Variants in NCOA1 observed in about 807,000 individuals in gnomAD.
The protein encoded by NCOA1 is Hin-2 protein.
Under a neutral mutation model 150.9 loss-of-function variants are expected in NCOA1, and 35 were observed. That is an observed-to-expected ratio of 0.23 (90% CI 0.18 to 0.31). NCOA1 has a LOEUF of 0.31. Ranked by LOEUF, NCOA1 falls within the 10% of genes least tolerant of loss-of-function variation. NCOA1 has a pLI of 1.00. For missense variants in NCOA1, 1,491 were observed against 1,749.3 expected, an observed-to-expected ratio of 0.85 and a Z score of 2.63; for synonymous variants, 590 against 630.0, an observed-to-expected ratio of 0.94 and a Z score of 0.95.
At chr2:24,554,452 G>A (rs1665988720) in intron 1 of NCOA1, 1 of 152,134 alleles carries the variant, frequency 6.6e-6, no homozygotes, top group African/African-American at 2.4e-5. Flanking sequence ...ATGAGAGAGA[G>A]GGGACTTCGG....
chr2:24,665,023 A>G (rs1671352798), intron 5 of NCOA1, among the ~76,000 whole-genome samples: 1 of 152,234 alleles, frequency 6.6e-6, no homozygotes, highest in Admixed American at 6.5e-5. Flanking sequence ...ATAGTCATTC[A>G]GTACATTTGG....
chr2:24,520,340 A>G (rs1173640439), intron 1 of NCOA1, among the ~76,000 whole-genome samples: 1 of 152,258 alleles, frequency 6.6e-6, no homozygotes, highest in African/African-American at 2.4e-5. Flanking sequence ...CTCCCAAATT[A>G]GAAACAATCC....
chr2:24,735,251 A>AC (rs1180214832), intron 17 of NCOA1, among the ~76,000 whole-genome samples: 1 of 152,200 alleles, frequency 6.6e-6, no homozygotes, highest in African/African-American at 2.4e-5. Flanking sequence ...ACCCCATATG[A>AC]CTGGCAAAGG....
At chr2:24,734,348 T>C (rs1663180032) in intron 17 of NCOA1, among the ~76,000 whole-genome samples, 1 of 152,158 alleles carries the variant, frequency 6.6e-6, no homozygotes, top group South Asian at 2.1e-4. Context: ...CCAAATTCAA[T>C]CAGTAAATTC....
intron 1 of NCOA1, among the ~76,000 whole-genome samples, chr2:24,520,123 G>A (rs1404836399): frequency 1.3e-5 from 2 of 152,134 alleles, no homozygotes; most frequent in African/African-American, 2.4e-5. Context: ...CTAAGTGTTG[G>A]CAACTGGAAC....
chr2:24,719,658 C>G (rs1446477005), intron 14 of NCOA1, among the ~76,000 whole-genome samples: 1 of 151,954 alleles, frequency 6.6e-6, no homozygotes, highest in Non-Finnish European at 1.5e-5. Flanking sequence ...GAGACAAAAC[C>G]AAAAGAGACG....
intron 3 of NCOA1, among the ~76,000 whole-genome samples, chr2:24,638,530 G>T (rs1670043920): frequency 1.3e-5 from 2 of 152,060 alleles, no homozygotes; most frequent in African/African-American, 4.8e-5. Flanking sequence ...TATGGTAGTT[G>T]TATTTGTAGT....
chr2:24,665,571 A>C (rs538444655), intron 5 of NCOA1, among the ~76,000 whole-genome samples, 178 bp from the exon 6 acceptor site: 5 of 152,248 alleles, frequency 3.3e-5, no homozygotes, highest in South Asian at 4.1e-4. Context: ...TTGTTTTCTA[A>C]ATTTTGGTAT....
chr2:24,589,856 C>G (rs1005038925), intron 3 of NCOA1, among the ~76,000 whole-genome samples: 4 of 152,148 alleles, frequency 2.6e-5, no homozygotes, highest in African/African-American at 9.7e-5. Context: ...TGGTCACTTG[C>G]ATCTTCTGTC....
chr2:24,599,099 G>C lies in NCOA1; in HGVS notation c.-175+14539G>C, dbSNP rs1668000304. Among the ~76,000 whole-genome samples, 3 of 151,778 alleles carry C rather than the reference G, an allele frequency of 2.0e-5. No individual in the cohort carries two copies. The East Asian group carries it at 5.8e-4, about 29-fold the overall frequency. ...TTAATGTTGGAGACAACACAAGAGA[G>C]GATATACTGATTTTGCCTAAATTGT... On this transcript the variant is annotated intron_variant, in intron 3 of 22. Transcript: ENST00000348332.
intron 2 of NCOA1, among the ~76,000 whole-genome samples, chr2:24,580,985 G>A (rs954699210): frequency 6.6e-6 from 1 of 152,188 alleles, no homozygotes; most frequent in Non-Finnish European, 1.5e-5. Flanking sequence ...TTCCTGTGGG[G>A]ATACAAGTCC....
chr2:24,726,588 G>T lies in NCOA1; in HGVS notation c.2600-1G>T. 6.3e-7 allele frequency: 1 copy of T among 1,595,032 alleles called. No homozygotes were observed. Among genetic ancestry groups the T allele is most frequent in the Non-Finnish European group, 8.6e-7 (1 of 1,167,618 alleles). On this transcript the variant is annotated splice_acceptor_variant, in intron 14 of 22. Coordinates refer to ENST00000348332, the MANE Select transcript of NCOA1 (RefSeq NM_003743.5). LOFTEE classifies it high-confidence loss of function. The stretch of plus-strand genomic sequence containing the variant: ...CTTCTTACCTTTTCTTCTTAAATCA[G>T]GATTACCTGAGCTGGAATTGGAAGC...
chr2:24,605,251 A>G (rs1668313139), intron 3 of NCOA1, among the ~76,000 whole-genome samples: 1 of 152,332 alleles, frequency 6.6e-6, no homozygotes, highest in East Asian at 1.9e-4. Context: ...GAAAAATGGC[A>G]CCGACAGACT....
chr2:24,761,598 A>G (rs1664797706), intron 21 of NCOA1, among the ~76,000 whole-genome samples: 1 of 152,098 alleles, frequency 6.6e-6, no homozygotes, highest in African/African-American at 2.4e-5. Context: ...TCATTTTTGA[A>G]TTGATTTCAG....
chr2:24,559,264 T>C (rs1008621980), intron 1 of NCOA1, among the ~76,000 whole-genome samples: 1 of 151,954 alleles, frequency 6.6e-6, no homozygotes, highest in African/African-American at 2.4e-5. Flanking sequence ...TAATCAAGAG[T>C]TGAGCTGATT....
chr2:24,658,456 A>AGCT (rs1295407158), intron 4 of NCOA1, among the ~76,000 whole-genome samples: 1 of 152,248 alleles, frequency 6.6e-6, no homozygotes, highest in African/African-American at 2.4e-5. Flanking sequence ...TTTATTTTAC[A>AGCT]GATGTAGAAA....
intron 3 of NCOA1, among the ~76,000 whole-genome samples, chr2:24,607,558 C>T (rs553370320): frequency 2.0e-5 from 3 of 152,004 alleles, no homozygotes; most frequent in South Asian, 2.1e-4. Context: ...GGTGTAGTGG[C>T]GGGTGCCTGT....
intron 3 of NCOA1, among the ~76,000 whole-genome samples, chr2:24,587,717 T>C (rs772773827): frequency 6.6e-6 from 1 of 152,232 alleles, no homozygotes; most frequent in Non-Finnish European, 1.5e-5. Context: ...TCTTGGTTTT[T>C]ATTAAGTGGC....
At chr2:24,494,467 A>G (rs1663113639) in intron 1 of NCOA1, among the ~76,000 whole-genome samples, 1 of 152,094 alleles carries the variant, frequency 6.6e-6, no homozygotes, top group Non-Finnish European at 1.5e-5. Context: ...CATAGTTTTC[A>G]TTATAGGGCA....
Sources: allele counts gnomAD v4.1 joint callset (sites outside exome capture counted in the v4.1 genomes callset), GRCh38; gene constraint gnomAD v4.1.1; transcripts MANE v1.5; gene names NCBI Gene and HGNC (gene_info 2026-07-23, HGNC 2026-07-21).